SGCZ: variants seen among roughly 807,000 people sequenced by gnomAD.
SGCZ encodes zeta-sarcoglycan.
Under a neutral mutation model 41.3 loss-of-function variants are expected in SGCZ, and 40 were observed. The ratio of observed to expected loss-of-function variants is 0.97; its 90% CI spans 0.75 to 1.26. The LOEUF is 1.26. Among genes scored for constraint, SGCZ ranks in the 50% most tolerant of loss-of-function variants. SGCZ has a pLI of 0.00. For synonymous variants in SGCZ, 206 were observed against 137.5 expected, an observed-to-expected ratio of 1.50 and a Z score of -3.49; for missense variants, 552 against 369.8, an observed-to-expected ratio of 1.49 and a Z score of -4.04.
chr8:14,291,992 T>G (rs1800855653), intron 3 of SGCZ, among the ~76,000 whole-genome samples: 1 of 152,042 alleles, frequency 6.6e-6, no homozygotes, highest in Non-Finnish European at 1.5e-5. Flanking sequence ...TCTAATCTTC[T>G]CTCCATTAGG....
intron 2 of SGCZ, among the ~76,000 whole-genome samples, chr8:14,339,000 T>C (rs1159053704): frequency 6.6e-6 from 1 of 152,198 alleles, no homozygotes; most frequent in African/African-American, 2.4e-5. Flanking sequence ...AATTGAACTT[T>C]AATCTATGTT....
intron 1 of SGCZ, among the ~76,000 whole-genome samples, chr8:15,190,781 G>C (rs1800510850): frequency 6.6e-6 from 1 of 151,946 alleles, no homozygotes; most frequent in Non-Finnish European, 1.5e-5. Flanking sequence ...TTGCAATTTT[G>C]TAAAAAGTCT....
chr8:14,249,374 T>C (rs1462252850), intron 3 of SGCZ, among the ~76,000 whole-genome samples: 1 of 152,104 alleles, frequency 6.6e-6, no homozygotes, highest in Non-Finnish European at 1.5e-5. Context: ...GATCCTGGGG[T>C]TTCTCATCCT....
At position 15,018,189 on chromosome 8, in the gene SGCZ, C is replaced by T. The variant is rs533487584; in HGVS notation, c.39+219396G>A. 1.1e-4 allele frequency among the ~76,000 whole-genome samples: 16 copies of T among 152,294 alleles called. No individual in the cohort carries two copies. The South Asian group carries it at 3.3e-3, about 32-fold the overall frequency. The stretch of plus-strand genomic sequence containing the variant: ...ACCTACATCCTCTGGAATATTTTAT[C>T]GTGCATACACAAATTTACTCATTCG... On this transcript the variant is annotated intron_variant, in intron 1 of 7. Transcript: ENST00000382080.
intron 1 of SGCZ, among the ~76,000 whole-genome samples, chr8:14,798,959 T>G (rs1197683356): frequency 6.6e-6 from 1 of 151,940 alleles, no homozygotes; most frequent in East Asian, 1.9e-4. Context: ...CATATTTTAC[T>G]TCATATACTG....
intron 1 of SGCZ, among the ~76,000 whole-genome samples, chr8:14,906,900 T>C (rs1196281163): frequency 6.6e-6 from 1 of 152,212 alleles, no homozygotes; most frequent in Non-Finnish European, 1.5e-5. Context: ...GACAATGGCA[T>C]TGTTATGGAG....
At chr8:14,825,616 C>G (rs1802277702) in intron 1 of SGCZ, among the ~76,000 whole-genome samples, 1 of 152,174 alleles carries the variant, frequency 6.6e-6, no homozygotes, top group Non-Finnish European at 1.5e-5. Context: ...TTAATTAACT[C>G]ATTCATCCCC....
chr8:14,331,645 T>C (rs879729532), intron 2 of SGCZ, among the ~76,000 whole-genome samples: 8 of 152,142 alleles, frequency 5.3e-5, no homozygotes, highest in Non-Finnish European at 1.0e-4. Flanking sequence ...GTTAATAATA[T>C]AACTTTTACC....
intron 1 of SGCZ, among the ~76,000 whole-genome samples, chr8:14,671,681 C>A (rs1808107282): frequency 6.6e-6 from 1 of 152,020 alleles, no homozygotes; most frequent in Non-Finnish European, 1.5e-5. Flanking sequence ...ACATTCAAAC[C>A]ATGCATTTTC....
At chr8:14,847,667 G>T (rs1465090926) in intron 1 of SGCZ, among the ~76,000 whole-genome samples, 1 of 122,694 alleles carries the variant, frequency 8.2e-6, no homozygotes, top group Non-Finnish European at 1.7e-5. Flanking sequence ...GGGAGGGAAG[G>T]AAGGAAAGAT....
At chr8:15,155,208 T>C (rs1157184876) in intron 1 of SGCZ, among the ~76,000 whole-genome samples, 1 of 152,082 alleles carries the variant, frequency 6.6e-6, no homozygotes, top group Non-Finnish European at 1.5e-5. Context: ...GGTGGAACAA[T>C]GGCTTGAGCC....
chr8:15,164,491 A>G (rs1799597378), intron 1 of SGCZ, among the ~76,000 whole-genome samples: 1 of 152,024 alleles, frequency 6.6e-6, no homozygotes, highest in African/African-American at 2.4e-5. Flanking sequence ...TCCCCAGCCC[A>G]GGGGTTTTAC....
At chr8:14,367,992 G>C (rs952945277) in intron 2 of SGCZ, among the ~76,000 whole-genome samples, 1 of 152,024 alleles carries the variant, frequency 6.6e-6, no homozygotes, top group Non-Finnish European at 1.5e-5. Context: ...GGATGTTACT[G>C]GGAGTTTTAT....
chr8:14,321,446 G>A (rs545947842), intron 3 of SGCZ, among the ~76,000 whole-genome samples: 1 of 151,942 alleles, frequency 6.6e-6, no homozygotes. Context: ...TAGGTTAGGT[G>A]GCTAGATGTG....
intron 5 of SGCZ, among the ~76,000 whole-genome samples, chr8:14,149,228 C>T (rs976537486): frequency 6.6e-5 from 10 of 152,056 alleles, no homozygotes; most frequent in East Asian, 1.9e-4. Flanking sequence ...AAATTGAAAA[C>T]GAACAAGTCA....
chr8:14,238,553 T>C (rs1019354432), intron 3 of SGCZ, among the ~76,000 whole-genome samples: 2 of 152,202 alleles, frequency 1.3e-5, no homozygotes, highest in Non-Finnish European at 2.9e-5. Flanking sequence ...AAACAGTTGA[T>C]TGAAGGACAA....
rs1265437293 is a variant in SGCZ at position 14,681,077 on chromosome 8, T to C, written c.40-126151A>G. 2.6e-5 allele frequency among the ~76,000 whole-genome samples: 4 copies of C among 151,660 alleles called. No individual in the cohort carries two copies. The East Asian group carries it at 7.8e-4, about 29-fold the overall frequency. On this transcript the variant is annotated intron_variant, in intron 1 of 7. Coordinates refer to ENST00000382080, the MANE Select transcript of SGCZ (RefSeq NM_139167.4). ...ATTGCCCTAGTTCAGAGTAATGAGC[T>C]AGACAAATACATTTAATGAAATAAT...
chr8:14,955,769 T>C (rs1237998513), intron 1 of SGCZ, among the ~76,000 whole-genome samples: 2 of 152,186 alleles, frequency 1.3e-5, no homozygotes, highest in Non-Finnish European at 1.5e-5. Flanking sequence ...AATCCAAATA[T>C]CACTTTTGAA....
intron 2 of SGCZ, among the ~76,000 whole-genome samples, chr8:14,402,471 T>A (rs1244588457): frequency 6.6e-6 from 1 of 151,428 alleles, no homozygotes; most frequent in East Asian, 1.9e-4. Context: ...TTGTATAAGG[T>A]GTAAGGAAGG....
Sources: allele counts gnomAD v4.1 joint callset (sites outside exome capture counted in the v4.1 genomes callset), GRCh38; gene constraint gnomAD v4.1.1; transcripts MANE v1.5; gene names NCBI Gene and HGNC (gene_info 2026-07-23, HGNC 2026-07-21).